The following RUNX1 variants were observed in gnomAD, a reference collection of about 807,000 sequenced individuals.
RUNX1 encodes runt-related transcription factor 1.
RUNX1 carries 19 observed loss-of-function variants against 42.8 expected under a neutral mutation model. The ratio of observed to expected loss-of-function variants is 0.44; its 90% CI spans 0.31 to 0.65. RUNX1 has a LOEUF of 0.65. Among genes scored for constraint, RUNX1 ranks in the 30% least tolerant of loss-of-function variants. The pLI is 0.07. For synonymous variants in RUNX1, 271 were observed against 289.4 expected (o/e 0.94, Z 0.64); for missense variants, 528 against 672.0 (o/e 0.79, Z 2.37).
intron 6 of RUNX1, among the ~76,000 whole-genome samples, chr21:34,854,177 T>A (rs1267790346): frequency 1.3e-5 from 2 of 152,222 alleles, no homozygotes; most frequent in Non-Finnish European, 2.9e-5. Context: ...ATAAAGATCC[T>A]ATTTCTCATG....
At chr21:34,991,382 T>C (rs1216280562) in intron 2 of RUNX1, among the ~76,000 whole-genome samples, 2 of 152,236 alleles carry the variant, frequency 1.3e-5, no homozygotes, top group Non-Finnish European at 1.5e-5. Flanking sequence ...TGGTTGGCCC[T>C]ATGAGTCTGT....
chr21:34,849,473 A>AAT (rs1207084589), intron 6 of RUNX1, among the ~76,000 whole-genome samples: 5 of 93,520 alleles, frequency 5.3e-5, no homozygotes, highest in Non-Finnish European at 8.0e-5. Context: ...GTATATATAT[A>AAT]ATATATATTA....
chr21:34,797,253 T>C (rs1030126333), intron 8 of RUNX1, among the ~76,000 whole-genome samples: 4 of 152,118 alleles, frequency 2.6e-5, no homozygotes, highest in Non-Finnish European at 5.9e-5. Flanking sequence ...TGAGGCATGG[T>C]TTTTATCTAC....
chr21:34,986,196 C>A (rs931046101), intron 2 of RUNX1, among the ~76,000 whole-genome samples: 1 of 151,938 alleles, frequency 6.6e-6, no homozygotes, highest in Non-Finnish European at 1.5e-5. Flanking sequence ...TCATTTATGT[C>A]CCTAGATACT....
At chr21:34,819,364 C>T (rs904522554) in intron 7 of RUNX1, among the ~76,000 whole-genome samples, 2 of 152,216 alleles carry the variant, frequency 1.3e-5, no homozygotes, top group Admixed American at 1.3e-4. Flanking sequence ...ATGGAGATGA[C>T]AGGTCTGCAC....
At chr21:34,797,637 A>G (rs561893454) in intron 8 of RUNX1, among the ~76,000 whole-genome samples, 2 of 152,358 alleles carry the variant, frequency 1.3e-5, no homozygotes, top group East Asian at 1.9e-4. Context: ...TTCTTGAGGG[A>G]TAAGCTTCTA....
chr21:34,843,625 TCAA>T lies in RUNX1; in HGVS notation c.614-9027_614-9025del, dbSNP rs2057274682. ...AAGGCTGGCCAACGCCAAGGCAAGA[TCAA>T]CAACCAATACAACTTCAAGCCAGAG... On this transcript the variant is annotated intron_variant, in intron 6 of 8. Transcript: ENST00000675419. This position sits in a 1 kb window ranked among gnomAD's most constrained non-coding sequence, Gnocchi z 4.8. Among the ~76,000 whole-genome samples the T allele has an allele frequency of 6.6e-6, 1 of 151,810 alleles. No homozygotes were observed. The highest frequency in any genetic ancestry group is 1.5e-5 in the Non-Finnish European group (1 of 67,956).
chr21:34,891,831 G>T (rs2058083793), intron 3 of RUNX1, among the ~76,000 whole-genome samples: 1 of 152,162 alleles, frequency 6.6e-6, no homozygotes, highest in African/African-American at 2.4e-5. Context: ...GGAATGAAAT[G>T]TACATTTCTG....
intron 2 of RUNX1, among the ~76,000 whole-genome samples, chr21:34,998,085 G>C (rs1397350490): frequency 1.3e-5 from 2 of 152,078 alleles, no homozygotes; most frequent in African/African-American, 4.8e-5. Flanking sequence ...TGTATGACTT[G>C]GGTAAGCATT....
At chr21:35,002,358 AG>A (rs765139944) in intron 2 of RUNX1, among the ~76,000 whole-genome samples, 4 of 150,534 alleles carry the variant, frequency 2.7e-5, no homozygotes, top group African/African-American at 4.9e-5. Context: ...CATTGCCCTT[AG>A]TATCATTTTC....
chr21:34,954,188 T>C (rs544667949), intron 2 of RUNX1, among the ~76,000 whole-genome samples: 1 of 152,196 alleles, frequency 6.6e-6, no homozygotes, highest in South Asian at 2.1e-4. Flanking sequence ...ACAGAAAGAG[T>C]CATCTTCCTT....
At chr21:34,808,970 G>C (rs952424708) in intron 7 of RUNX1, among the ~76,000 whole-genome samples, 2 of 152,174 alleles carry the variant, frequency 1.3e-5, no homozygotes, top group African/African-American at 4.8e-5. Flanking sequence ...AGTTCAGAGG[G>C]AACAGAAGGC....
chr21:34,994,122 T>C (rs1273229151), intron 2 of RUNX1, among the ~76,000 whole-genome samples: 1 of 152,132 alleles, frequency 6.6e-6, no homozygotes, highest in Non-Finnish European at 1.5e-5. Context: ...GTAAAGGTTG[T>C]GATGATAAAC....
chr21:34,832,660 T>C (rs1284276639), intron 7 of RUNX1, among the ~76,000 whole-genome samples: 1 of 152,254 alleles, frequency 6.6e-6, no homozygotes, highest in Non-Finnish European at 1.5e-5. Context: ...AGTTGTATCC[T>C]CTTTGGAAGC....
intron 2 of RUNX1, among the ~76,000 whole-genome samples, chr21:34,919,029 T>C (rs1601569548): frequency 6.6e-6 from 1 of 152,252 alleles, no homozygotes; most frequent in East Asian, 1.9e-4. Flanking sequence ...CAATTCATTA[T>C]AAATGAACAC....
chr21:34,896,017 G>A (rs752123188), intron 2 of RUNX1, among the ~76,000 whole-genome samples: 13 of 150,090 alleles, frequency 8.7e-5, no homozygotes, highest in Admixed American at 4.6e-4. Context: ...GGAGGGGGAG[G>A]AGTCTCCCCA....
Position 34,856,913 on chromosome 21 carries a change from C to T in RUNX1, c.613+2561G>A, listed in dbSNP as rs149064050. ...TGTTACACTGGAAAGCAACTGTGAG[C>T]AAAGCTTACTATAGAAAGTTCCCAC... is the stretch of plus-strand genomic sequence containing the variant. On this transcript the variant is annotated intron_variant, in intron 6 of 8. Coordinates refer to ENST00000675419, the MANE Select transcript of RUNX1 (RefSeq NM_001754.5). 3.4e-3 allele frequency among the ~76,000 whole-genome samples: 512 copies of T among 152,260 alleles called. 6 individuals are homozygous for T. The highest frequency in any genetic ancestry group is 0.012 in the African/African-American group (483 of 41,538).
chr21:34,986,252 C>CTCTT (rs1441841430), intron 2 of RUNX1, among the ~76,000 whole-genome samples: 6 of 152,140 alleles, frequency 3.9e-5, no homozygotes, highest in Middle Eastern at 3.4e-3. Context: ...ACTTTCAATG[C>CTCTT]TCTTTCCATC....
intron 2 of RUNX1, among the ~76,000 whole-genome samples, chr21:34,993,532 TACAGGCACAC>T (rs1392602064): frequency 1.1e-5 from 1 of 94,142 alleles, no homozygotes; most frequent in Admixed American, 9.7e-5. Flanking sequence ...CACACATACA[TACAGGCACAC>T]ACAGACACAC....
Sources: gnomAD v4.1 joint callset for allele counts (sites outside exome capture counted in the v4.1 genomes callset) on GRCh38, gnomAD v4.1.1 for gene constraint, Gnocchi (gnomAD v3.1) non-coding constraint, MANE v1.5 for transcripts, NCBI Gene and HGNC (gene_info 2026-07-23, HGNC 2026-07-21) for gene names.